Variants in ZNF469 observed in about 807,000 individuals in gnomAD.
The protein encoded by ZNF469 is zinc finger protein 469.
ZNF469 carries 1 observed loss-of-function variant against 1.0 expected under a neutral mutation model. The ratio of observed to expected loss-of-function variants is 1.00; its 90% CI spans 0.35 to 4.73. The LOEUF is 4.73. ZNF469 is among the 30% of genes most tolerant of loss of function. The pLI, the probability that ZNF469 is intolerant of heterozygous loss-of-function variation, is 0.16. For missense variants in ZNF469, 6,100 were observed against 5,356.3 expected (o/e 1.14, Z -4.33); for synonymous variants, 2,703 against 2,363.4 (o/e 1.14, Z -4.17).
the ZNF469 span, among the ~76,000 whole-genome samples, chr16:88,239,795 C>T: frequency 2.8e-5 from 4 of 141,616 alleles, no homozygotes; most frequent in Admixed American, 7.4e-5. Context: ...CTCCTGACCT[C>T]GTGATCTGCC....
the ZNF469 span, among the ~76,000 whole-genome samples, chr16:88,236,760 T>G: frequency 6.6e-6 from 1 of 151,500 alleles, no homozygotes; most frequent in Admixed American, 6.6e-5. Flanking sequence ...TCAGCTACTC[T>G]GGAGGCTGAG....
In ZNF469 at chr16:88,437,235, G is replaced by A. The variant is rs1389292564; in HGVS notation, c.9765G>A (p.Pro3255=). Residue 3255 remains proline (P), a synonymous_variant, in exon 3 of 3, where the codon CCG becomes CCA. Coordinates refer to ENST00000565624, the MANE Select transcript of ZNF469 (RefSeq NM_001367624.2). ...AGGCCGCCGGGAGCCCGGGAGACCC[G>A]TGGGGGCAAGAGGGAGAAGCCAAGA... ...AGKAAGSPGD[P]WGQEGEAKKD... The A allele has an allele frequency of 2.6e-6, 4 of 1,549,188 alleles. No homozygotes were observed. Among genetic ancestry groups the A allele is most frequent in the Non-Finnish European group, 3.5e-6 (4 of 1,146,402 alleles).
At chr16:88,154,133 A>C in the ZNF469 span, among the ~76,000 whole-genome samples, 1 of 152,080 alleles carries the variant, frequency 6.6e-6, no homozygotes, top group Non-Finnish European at 1.5e-5. Context: ...ATGCTTTTCT[A>C]AGCATCTTTT....
chr16:88,337,473 T>TAA, the ZNF469 span, among the ~76,000 whole-genome samples: 94 of 152,228 alleles, frequency 6.2e-4, no homozygotes, highest in African/African-American at 2.2e-3. Flanking sequence ...TATGTCTTTA[T>TAA]CAGCAGTGTG....
upstream of ZNF469, among the ~76,000 whole-genome samples, chr16:88,379,996 C>A (rs1290305020): frequency 1.3e-5 from 2 of 152,120 alleles, no homozygotes; most frequent in East Asian, 3.9e-4. Context: ...AGGCGGCATT[C>A]AGGTGCCCCA....
the ZNF469 span, among the ~76,000 whole-genome samples, chr16:88,343,227 C>T: frequency 7.9e-5 from 12 of 152,302 alleles, no homozygotes; most frequent in Admixed American, 2.6e-4. Context: ...CTCAGGGCCA[C>T]GGCTGAGATG....
At chr16:88,392,208 C>T (rs544229278) in intron 1 of ZNF469, among the ~76,000 whole-genome samples, 1 of 152,386 alleles carries the variant, frequency 6.6e-6, no homozygotes, top group South Asian at 2.1e-4. Context: ...CTCAGGAAGT[C>T]GCGTGCGCTC....
the ZNF469 span, among the ~76,000 whole-genome samples, chr16:88,289,825 C>T: frequency 1.3e-5 from 2 of 152,174 alleles, no homozygotes; most frequent in Non-Finnish European, 2.9e-5. Flanking sequence ...GATATGCACA[C>T]TTATGTCCCA....
the ZNF469 span, among the ~76,000 whole-genome samples, chr16:88,283,582 A>C: frequency 6.6e-6 from 1 of 152,236 alleles, no homozygotes; most frequent in Non-Finnish European, 1.5e-5. Flanking sequence ...ATGCTGGGAA[A>C]AAATTCTAGG....
the ZNF469 span, among the ~76,000 whole-genome samples, chr16:88,332,952 C>T: frequency 7.9e-5 from 12 of 152,210 alleles, no homozygotes; most frequent in South Asian, 2.1e-4. Context: ...TCAGAGCCAC[C>T]GAGCTGTGTC....
rs896312288 is a variant in ZNF469, at chr16:88,428,055, C to G, written c.585C>G (p.Asn195Lys). The change falls in exon 3 of 3, where the codon AAC (asparagine) becomes AAG (lysine). Residue 195 changes from asparagine (N) to lysine (K), a missense_variant. Asn to Lys is a moderately conservative substitution (Grantham distance 94). Coordinates refer to ENST00000565624, the MANE Select transcript of ZNF469 (RefSeq NM_001367624.2). ...CACCCTCCAGCTTTACCTCCACCAA[C>G]TATACCTCACCAAGCGCCACCCCCA... ...QEPPSSFTST[N>K]YTSPSATPRP... 5.8e-5 allele frequency: 90 copies of G among 1,549,860 alleles called. 1 individual carries two copies. The highest frequency in any genetic ancestry group is 1.7e-4 in the Middle Eastern group (1 of 5,992).
the ZNF469 span, among the ~76,000 whole-genome samples, chr16:88,106,752 C>T: frequency 6.6e-6 from 1 of 152,264 alleles, no homozygotes; most frequent in African/African-American, 2.4e-5. Flanking sequence ...TGCCTGCTGG[C>T]CACCAGCCTG....
At chr16:88,177,136 C>T in the ZNF469 span, among the ~76,000 whole-genome samples, 1 of 152,222 alleles carries the variant, frequency 6.6e-6, no homozygotes, top group African/African-American at 2.4e-5. The surrounding 1 kb of genome is among the most constrained non-coding windows in gnomAD (Gnocchi z 4.8). Flanking sequence ...TGGACTAATT[C>T]ACCCCTTCGC....
chr16:88,336,402 T>G, the ZNF469 span, among the ~76,000 whole-genome samples: 7 of 151,208 alleles, frequency 4.6e-5, no homozygotes, highest in Admixed American at 3.9e-4. Flanking sequence ...ATGTTCATCC[T>G]TCACGTGAGA....
chr16:88,152,471 G>A, the ZNF469 span, among the ~76,000 whole-genome samples: 5 of 152,244 alleles, frequency 3.3e-5, no homozygotes, highest in East Asian at 1.9e-4. The surrounding 1 kb of genome is among the most constrained non-coding windows in gnomAD (Gnocchi z 4.2). Flanking sequence ...CTGCCCCCGC[G>A]GTCCCAGATC....
At chr16:88,405,891 T>C (rs1905016324) in intron 1 of ZNF469, among the ~76,000 whole-genome samples, 1 of 152,100 alleles carries the variant, frequency 6.6e-6, no homozygotes, top group South Asian at 2.1e-4. Context: ...CACAAGACGG[T>C]TCCTGCGTCC....
At chr16:88,229,569 G>C in the ZNF469 span, among the ~76,000 whole-genome samples, 3 of 147,064 alleles carry the variant, frequency 2.0e-5, no homozygotes, top group African/African-American at 7.5e-5. Flanking sequence ...TGGATGTCAC[G>C]CTTGTGCGCT....
the ZNF469 span, among the ~76,000 whole-genome samples, chr16:88,154,493 T>C: frequency 7.6e-3 from 1,160 of 152,290 alleles, 15 homozygotes; most frequent in African/African-American, 0.026. Flanking sequence ...CAAAAAACAC[T>C]TTGGGAAGAA....
At position 88,439,376 on chromosome 16, in the gene ZNF469, C is replaced by A; in HGVS notation, c.*44C>A. 1 of 1,547,286 alleles carries A rather than the reference C, an allele frequency of 6.5e-7. No homozygotes were observed. Among genetic ancestry groups the A allele is most frequent in the South Asian group, 1.2e-5 (1 of 83,628 alleles). ...TGGGACCGGAGCTGGGCGTTCCTGT[C>A]TCGGCCTGCCTCCTTGGCCAGCTCC... On this transcript the variant is annotated 3_prime_UTR_variant, in exon 3 of 3. Transcript: ENST00000565624.
Sources: allele counts gnomAD v4.1 joint callset (sites outside exome capture counted in the v4.1 genomes callset), GRCh38; gene constraint gnomAD v4.1.1; non-coding constraint Gnocchi (gnomAD v3.1); transcripts MANE v1.5; gene names NCBI Gene and HGNC (gene_info 2026-07-23, HGNC 2026-07-21).